Variants in LSAMP observed in about 807,000 individuals in gnomAD.
LSAMP encodes the protein limbic system associated membrane protein.
LSAMP carries 7 observed loss-of-function variants against 38.6 expected under a neutral mutation model. The observed-to-expected ratio is 0.18, with a 90% confidence interval of 0.10 to 0.34. LSAMP has a LOEUF of 0.34. Ranked by LOEUF, LSAMP falls within the 10% of genes least tolerant of loss-of-function variation. LSAMP has a pLI of 1.00. For synonymous variants in LSAMP, 154 were observed against 166.8 expected (o/e 0.92, Z 0.59); for missense variants, 313 against 420.0 (o/e 0.75, Z 2.23).
chr3:116,335,920 T>TA (rs1304945861), intron 1 of LSAMP, among the ~76,000 whole-genome samples: 1 of 151,966 alleles, frequency 6.6e-6, no homozygotes, highest in African/African-American at 2.4e-5. Flanking sequence ...TGACATAAAG[T>TA]AAAAAAATTA....
intron 1 of LSAMP, among the ~76,000 whole-genome samples, chr3:116,410,868 T>C (rs138723924): frequency 1.5e-3 from 226 of 152,202 alleles, no homozygotes; most frequent in Non-Finnish European, 2.4e-3. Flanking sequence ...CACTTTTTCA[T>C]AGGGTCTTCT....
At chr3:115,929,968 A>T (rs1027297104) in intron 3 of LSAMP, among the ~76,000 whole-genome samples, 2 of 136,080 alleles carry the variant, frequency 1.5e-5, no homozygotes, top group Non-Finnish European at 3.1e-5. Context: ...CATACAATAA[A>T]TGTTTATTAT....
chr3:116,323,806 C>G (rs1472774841), intron 1 of LSAMP, among the ~76,000 whole-genome samples: 1 of 152,132 alleles, frequency 6.6e-6, no homozygotes, highest in Non-Finnish European at 1.5e-5. Flanking sequence ...ACAGACACCA[C>G]TAAAATGCCT....
chr3:115,810,784 C>T (rs1226471668), intron 6 of LSAMP, among the ~76,000 whole-genome samples: 1 of 152,178 alleles, frequency 6.6e-6, no homozygotes. Context: ...AGGTTCCAAG[C>T]ATTGGTGAGG....
intron 3 of LSAMP, among the ~76,000 whole-genome samples, chr3:115,911,987 T>A (rs768147285): frequency 2.0e-5 from 3 of 152,166 alleles, no homozygotes; most frequent in Admixed American, 6.5e-5. Context: ...AGTGAAATGG[T>A]TGGTTCTTTT....
intron 3 of LSAMP, among the ~76,000 whole-genome samples, chr3:115,992,498 C>T (rs1939700119): frequency 6.6e-6 from 1 of 152,010 alleles, no homozygotes; most frequent in South Asian, 2.1e-4. Context: ...GGGGTTAAAC[C>T]AGCATACAGA....
chr3:116,306,437 C>A (rs1347813939), intron 1 of LSAMP, among the ~76,000 whole-genome samples: 2 of 151,912 alleles, frequency 1.3e-5, no homozygotes, highest in Non-Finnish European at 2.9e-5. Context: ...TTAGTGCATA[C>A]CTAGTGTTTC....
intron 1 of LSAMP, among the ~76,000 whole-genome samples, chr3:116,108,189 T>C (rs556092708): frequency 3.9e-4 from 60 of 152,154 alleles, no homozygotes; most frequent in African/African-American, 1.3e-3. Flanking sequence ...AAGAGGAGGA[T>C]GCAAAGGAGG....
intron 1 of LSAMP, among the ~76,000 whole-genome samples, chr3:116,225,518 C>A (rs919793208): frequency 9.9e-5 from 15 of 152,144 alleles, no homozygotes; most frequent in Admixed American, 6.5e-4. Context: ...ACTAATACAA[C>A]CCTTCTAGTA....
chr3:116,129,798 G>A (rs144117732), intron 1 of LSAMP, among the ~76,000 whole-genome samples: 9 of 152,328 alleles, frequency 5.9e-5, no homozygotes, highest in South Asian at 2.1e-4. Context: ...TGCCCGAATG[G>A]CCTTGGGGAT....
chr3:116,132,238 C>CAA (rs71141854), intron 1 of LSAMP, among the ~76,000 whole-genome samples: 99 of 145,866 alleles, frequency 6.8e-4, no homozygotes, highest in Middle Eastern at 3.5e-3. Context: ...ATAGAACTAT[C>CAA]AAAAAAAAAA....
intron 2 of LSAMP, among the ~76,000 whole-genome samples, chr3:116,065,206 C>T (rs1046751747): frequency 3.9e-5 from 6 of 152,078 alleles, no homozygotes; most frequent in South Asian, 2.1e-4. Context: ...CTGTTTACTC[C>T]GACTGTATGA....
chr3:116,432,745 G>C (rs1391357447), intron 1 of LSAMP, among the ~76,000 whole-genome samples: 2 of 152,048 alleles, frequency 1.3e-5, no homozygotes, highest in Non-Finnish European at 2.9e-5. Context: ...CACAGTAATG[G>C]TTTTTGCAGA....
At chr3:115,997,680 G>A (rs1382579892) in intron 3 of LSAMP, among the ~76,000 whole-genome samples, 3 of 134,868 alleles carry the variant, frequency 2.2e-5, no homozygotes, top group African/African-American at 8.2e-5. Context: ...GCTAGGGTGG[G>A]GTTTCTCAAG....
At chr3:115,834,618 ATC>A (rs1934726221) in intron 6 of LSAMP, 2 of 1,205,742 alleles carry the variant, frequency 1.7e-6, no homozygotes, top group African/African-American at 3.2e-5. Context: ...AAAAATAGTA[ATC>A]ATCATGGAGA....
chr3:116,076,831 C>T (rs1253082427), intron 2 of LSAMP, among the ~76,000 whole-genome samples: 1 of 152,064 alleles, frequency 6.6e-6, no homozygotes, highest in Non-Finnish European at 1.5e-5. Context: ...TTCTTTCATC[C>T]TTTCAATTTT....
At chr3:116,073,853 A>G (rs1707670086) in intron 2 of LSAMP, among the ~76,000 whole-genome samples, 1 of 152,224 alleles carries the variant, frequency 6.6e-6, no homozygotes, top group South Asian at 2.1e-4. Flanking sequence ...GAAAAAATAG[A>G]AAAAATAAGA....
At chr3:115,988,600 G>C (rs1035702946) in intron 3 of LSAMP, among the ~76,000 whole-genome samples, 2 of 152,022 alleles carry the variant, frequency 1.3e-5, no homozygotes, top group African/African-American at 2.4e-5. Context: ...TTGCGACTTA[G>C]AGAGTGCCTT....
At chr3:115,979,342 C>A (rs1295253048) in intron 3 of LSAMP, among the ~76,000 whole-genome samples, 1 of 151,848 alleles carries the variant, frequency 6.6e-6, no homozygotes, top group Admixed American at 6.6e-5. Context: ...TCTAAGGGCT[C>A]TAGTTTATAT....
Sources: allele counts gnomAD v4.1 joint callset (sites outside exome capture counted in the v4.1 genomes callset), GRCh38; gene constraint gnomAD v4.1.1; transcripts MANE v1.5; gene names NCBI Gene and HGNC (gene_info 2026-07-23, HGNC 2026-07-21).